CDH23: variants seen among roughly 807,000 people sequenced by gnomAD.
CDH23 encodes the protein cadherin related 23.
Under a neutral mutation model 317.1 loss-of-function variants are expected in CDH23, and 189 were observed. The ratio of observed to expected loss-of-function variants is 0.60; its 90% CI spans 0.53 to 0.67. The LOEUF (loss-of-function observed/expected upper bound fraction) is 0.67, where lower values mean the gene tolerates loss of function less well. Ranked by LOEUF, CDH23 falls within the 30% of genes least tolerant of loss-of-function variation. The probability of loss-of-function intolerance (pLI) is 0.00; values close to 1 mark genes in which losing one functional copy is unlikely to be tolerated. For synonymous variants in CDH23, 1,839 were observed against 1,876.8 expected, an observed-to-expected ratio of 0.98 and a Z score of 0.52; for missense variants, 4,401 against 4,592.4, an observed-to-expected ratio of 0.96 and a Z score of 1.20.
chr10:71,406,139 C>T (rs1294551571), intron 1 of CDH23, among the ~76,000 whole-genome samples: 1 of 151,958 alleles, frequency 6.6e-6, no homozygotes, highest in African/African-American at 2.4e-5. Flanking sequence ...CCTGAGCCTC[C>T]CAAGATGTGT....
Position 71,608,463 on chromosome 10 carries a change from T to A in CDH23, c.833-7041T>A, listed in dbSNP as rs192335043. 5.0e-3 allele frequency among the ~76,000 whole-genome samples: 764 copies of A among 152,316 alleles called. 5 individuals carry two copies. The highest frequency in any genetic ancestry group is 9.2e-3 in the Admixed American group (141 of 15,298). ...AGCTCCTAAGATCCCGAGCTCCTCA[T>A]AAGCCATGGCTTTTTTCTTCTCTTC... On this transcript the variant is annotated intron_variant, in intron 9 of 69. Coordinates refer to ENST00000224721, the MANE Select transcript of CDH23 (RefSeq NM_022124.6).
intron 3 of CDH23, among the ~76,000 whole-genome samples, chr10:71,460,938 G>A (rs2132060202): frequency 6.6e-6 from 1 of 152,332 alleles, no homozygotes; most frequent in East Asian, 1.9e-4. Context: ...GAGTAGCCCA[G>A]CCTGGTCACT....
intron 11 of CDH23, 193 bp downstream of exon 11, chr10:71,617,586 G>A (rs1327366962): frequency 2.2e-6 from 3 of 1,382,330 alleles, no homozygotes; most frequent in South Asian, 3.0e-5. Flanking sequence ...CCTACACCCT[G>A]CAAAAAACAT....
At chr10:71,475,527 C>T (rs112748285) in intron 3 of CDH23, among the ~76,000 whole-genome samples, 1 of 152,170 alleles carries the variant, frequency 6.6e-6, no homozygotes, top group Non-Finnish European at 1.5e-5. Flanking sequence ...GGGGGAAGAG[C>T]CTTCAGGCGT....
intron 11 of CDH23, among the ~76,000 whole-genome samples, chr10:71,629,895 T>C (rs1388191138): frequency 2.0e-5 from 3 of 152,176 alleles, no homozygotes; most frequent in African/African-American, 7.2e-5. Context: ...TGGAGCTAGA[T>C]AGAGGGAGTA....
chr10:71,760,789 G>A, intron 38 of CDH23: 5 of 1,410,482 alleles, frequency 3.5e-6, no homozygotes, highest in Non-Finnish European at 2.0e-6. Flanking sequence ...TGAGGCCAGA[G>A]TTCCAAACAG....
chr10:71,795,715 C>CA, intron 48 of CDH23: 1 of 483,738 alleles, frequency 2.1e-6, no homozygotes, highest in Non-Finnish European at 2.7e-6. Flanking sequence ...TCCCTCCCTC[C>CA]TCCCACCCCG....
At chr10:71,646,060 C>A in intron 13 of CDH23, 80 bp downstream of exon 13, 2 of 1,521,756 alleles carry the variant, frequency 1.3e-6, no homozygotes, top group East Asian at 2.3e-5. Context: ...AGAAGATTCC[C>A]TTAGATCCCA....
chr10:71,466,497 C>T (rs1367667038), intron 3 of CDH23, among the ~76,000 whole-genome samples: 11 of 151,906 alleles, frequency 7.2e-5, no homozygotes, highest in East Asian at 1.9e-4. Flanking sequence ...CACGGATATG[C>T]GTGTGTCCCT....
intron 3 of CDH23, among the ~76,000 whole-genome samples, chr10:71,457,690 G>A (rs76913026): frequency 0.031 from 4,683 of 152,334 alleles, 259 homozygotes; most frequent in African/African-American, 0.1. Context: ...TTGCCCCTAT[G>A]CAACCGTGTG....
chr10:71,773,544 G>C (rs1361756603), intron 38 of CDH23: 2 of 1,170,024 alleles, frequency 1.7e-6, no homozygotes, highest in Non-Finnish European at 2.4e-6. Flanking sequence ...TGAGCGCTGC[G>C]GGCGGCCCCA....
intron 9 of CDH23, among the ~76,000 whole-genome samples, chr10:71,584,049 G>A (rs561104106): frequency 1.6e-4 from 25 of 152,268 alleles, no homozygotes; most frequent in African/African-American, 4.6e-4. Flanking sequence ...CTGTGGGTGC[G>A]CCCGGGCAAC....
chr10:71,690,858 G>A (rs550951829), intron 20 of CDH23, among the ~76,000 whole-genome samples: 1 of 152,298 alleles, frequency 6.6e-6, no homozygotes, highest in African/African-American at 2.4e-5. Flanking sequence ...CAAAGAGCTG[G>A]TTAACACACC....
chr10:71,542,974 T>A (rs1427762401), intron 6 of CDH23, among the ~76,000 whole-genome samples: 1 of 152,204 alleles, frequency 6.6e-6, no homozygotes, highest in Non-Finnish European at 1.5e-5. Context: ...AAAAGGGGAA[T>A]TGGATGGGAG....
chr10:71,574,294 A>G (rs1589223467), intron 8 of CDH23, among the ~76,000 whole-genome samples: 1 of 152,122 alleles, frequency 6.6e-6, no homozygotes, highest in East Asian at 1.9e-4. Context: ...CTTATTTGGG[A>G]TTATTGCATC....
Position 71,795,248 on chromosome 10 carries a change from C to T in CDH23, c.6712+1608C>T, listed in dbSNP as rs564783402. ...ACGCACACATAAAACAAGAGAAGTG[C>T]CAGTGGTCATAGTGTGCAGCGAGCC... On this transcript the variant is annotated intron_variant, in intron 48 of 69. Coordinates refer to ENST00000224721, the MANE Select transcript of CDH23 (RefSeq NM_022124.6). 2.6e-5 allele frequency among the ~76,000 whole-genome samples: 4 copies of T among 151,992 alleles called. No homozygotes were observed. In the South Asian group the frequency reaches 8.3e-4, roughly 32 times the overall value.
chr10:71,451,079 A>T (rs903827771), intron 3 of CDH23, among the ~76,000 whole-genome samples: 2 of 151,398 alleles, frequency 1.3e-5, no homozygotes, highest in African/African-American at 4.9e-5. Flanking sequence ...AAAAGCTGGG[A>T]CTCATTCCTG....
At chr10:71,520,049 C>G (rs1854577856) in intron 6 of CDH23, among the ~76,000 whole-genome samples, 1 of 152,234 alleles carries the variant, frequency 6.6e-6, no homozygotes, top group Admixed American at 6.5e-5. Context: ...TCCAGGCAGC[C>G]TGCCTGCTGC....
At chr10:71,590,518 G>A (rs1859395000) in intron 9 of CDH23, among the ~76,000 whole-genome samples, 1 of 152,156 alleles carries the variant, frequency 6.6e-6, no homozygotes, top group Non-Finnish European at 1.5e-5. Context: ...ATCCATAAAG[G>A]CAGATGCTGA....
Sources: gnomAD v4.1 joint callset for allele counts (sites outside exome capture counted in the v4.1 genomes callset) on GRCh38, gnomAD v4.1.1 for gene constraint, MANE v1.5 for transcripts, NCBI Gene and HGNC (gene_info 2026-07-23, HGNC 2026-07-21) for gene names.